The following MYBBP1A variants were observed in gnomAD, a reference collection of about 807,000 sequenced individuals.
The protein encoded by MYBBP1A is MYB binding protein 1a, also known as myb-binding protein 1A.
In MYBBP1A, 147 loss-of-function variants were observed where a neutral mutation model predicts 136.3. The observed-to-expected ratio is 1.08, with a 90% CI of 0.94 to 1.24. The LOEUF (loss-of-function observed/expected upper bound fraction) is 1.24, where lower values mean the gene tolerates loss of function less well. MYBBP1A is among the 50% of genes most tolerant of loss of function. The probability of loss-of-function intolerance (pLI) is 0.00; values close to 1 mark genes in which losing one functional copy is unlikely to be tolerated. For synonymous variants in MYBBP1A, 947 were observed against 735.8 expected, an observed-to-expected ratio of 1.29 and a Z score of -4.65; for missense variants, 2,060 against 1,727.4, an observed-to-expected ratio of 1.19 and a Z score of -3.41.
chr17:4,547,695 T>C (rs1384756379), intron 13 of MYBBP1A: 29 of 417,816 alleles, frequency 6.9e-5, no homozygotes, highest in East Asian at 6.2e-4. Context: ...AGTTTCTCCA[T>C]GTCAAACATG....
Position 4,550,304 on chromosome 17 carries a change from G to A in MYBBP1A, c.1073C>T (p.Thr358Ile), listed in dbSNP as rs759940108. 1.2e-6 allele frequency: 2 copies of A among 1,613,070 alleles called. No homozygotes were observed. The highest frequency in any genetic ancestry group is 1.7e-5 in the Admixed American group (1 of 60,000). ...FAPEMDDYVG[T>I]FLEGCQDDPE... Reference sequence around the variant, plus strand: ...GTCATCCTGGCACCCCTCTAGGAAGGTGCCCACGTAATCGTCCATCTCTGG... The same window carrying A: ...GTCATCCTGGCACCCCTCTAGGAAGATGCCCACGTAATCGTCCATCTCTGG... The change falls in exon 9 of 26, where the codon ACC becomes ATC. Residue 358 changes from threonine to isoleucine, a missense_variant. Physicochemically the swap from Thr to Ile is moderately conservative, Grantham distance 89 (BLOSUM62 -1). Transcript: ENST00000254718.
In MYBBP1A at chr17:4,548,865, T is replaced by C. The variant is rs553814164; in HGVS notation, c.1431-216A>G. 2.0e-3 allele frequency among the ~76,000 whole-genome samples: 301 copies of C among 152,344 alleles called. 2 individuals carry two copies. Among genetic ancestry groups the C allele is most frequent in the African/African-American group, 7.0e-3 (292 of 41,586 alleles). On this transcript the variant is annotated intron_variant, in intron 10 of 25. Transcript: ENST00000254718. The surrounding 1 kb of genome is among the most constrained non-coding windows in gnomAD (Gnocchi z 4.2). ...CGTTTCTCTGCTCTGGATCCCCAGC[T>C]GAACGCGGGTTAACCCGAGCTAGAG...
Position 4,546,084 on chromosome 17 carries a change from C to G in MYBBP1A, c.1825-142G>C, listed in dbSNP as rs562731693. The G allele has an allele frequency of 4.8e-5, 34 of 713,512 alleles. No homozygotes were observed. The Admixed American group carries it at 5.6e-4, about 12-fold the overall frequency. 44.2% of individuals were successfully genotyped at this position (713,512 alleles called of 1,614,324 possible). On this transcript the variant is annotated intron_variant, in intron 13 of 25. Transcript: ENST00000254718. ...CTGGCCCGCCCTGGCCAGTCACCCC[C>G]ACAATCCAGAACAGAAGACCCCAGC...
intron 22 of MYBBP1A, 27 bp from the exon 23 acceptor site, chr17:4,541,918 G>A (rs574168111): frequency 1.9e-6 from 3 of 1,594,010 alleles, no homozygotes; most frequent in African/African-American, 2.7e-5. Flanking sequence ...GTGGGTGGCA[G>A]GAGCCTTGGC....
Position 4,543,055 on chromosome 17 carries a change from G to T in MYBBP1A, c.2750C>A (p.Ser917Tyr). 2.5e-6 allele frequency: 4 copies of T among 1,613,462 alleles called. No homozygotes were observed. The highest frequency in any genetic ancestry group is 1.6e-4 in the Middle Eastern group (1 of 6,062). Reference sequence around the variant, plus strand: ...GTTGAAGTGGTAGAGGGCGGTGGGGGAGTCGGGCTGGCGGCCAGCCTGCTG... The same window carrying T: ...GTTGAAGTGGTAGAGGGCGGTGGGGTAGTCGGGCTGGCGGCCAGCCTGCTG... ...LVQQAGRQPD[S>Y]PTALYHFNAS... Residue 917 changes from serine to tyrosine, a missense_variant, in exon 20 of 26, where the codon TCC becomes TAC. Coordinates refer to ENST00000254718, the MANE Select transcript of MYBBP1A (RefSeq NM_014520.4).
intron 19 of MYBBP1A, 123 bp downstream of exon 19, chr17:4,544,366 C>A: frequency 7.5e-7 from 1 of 1,326,632 alleles, no homozygotes; most frequent in African/African-American, 1.5e-5. Flanking sequence ...AGCCTGCGAG[C>A]TAGGGGCCCA....
At chr17:4,542,884 G>A in intron 20 of MYBBP1A, 29 bp downstream of exon 20, 1 of 1,612,368 alleles carries the variant, frequency 6.2e-7, no homozygotes, top group South Asian at 1.1e-5. Context: ...GAAATGCCTG[G>A]GGCTGCTCCT....
intron 21 of MYBBP1A, 37 bp downstream of exon 21, chr17:4,542,579 G>C: frequency 1.2e-6 from 2 of 1,613,262 alleles, no homozygotes; most frequent in Non-Finnish European, 1.7e-6. Flanking sequence ...GGGCTGAGCA[G>C]GGACCATGAG....
In MYBBP1A at chr17:4,539,572, T is replaced by G; in HGVS notation, c.3830A>C (p.His1277Pro). The change falls in exon 26 of 26, where the codon CAT (histidine) becomes CCT (proline). Residue 1277 changes from histidine to proline, a missense_variant. Transcript: ENST00000254718. ...CCCCTTTTTGGGAAGAGCCTTCTGA[T>G]GCTGCTTTTGGCCTGCAGGTTCCGT... ...SPTEPAGQKQ[H>P]QKALPKKGVL... 1 of 1,614,172 alleles carries G rather than the reference T, an allele frequency of 6.2e-7. No homozygotes were observed. Among genetic ancestry groups the G allele is most frequent in the Non-Finnish European group, 8.5e-7 (1 of 1,180,036 alleles).
At chr17:4,542,375 C>A in intron 22 of MYBBP1A, 89 bp downstream of exon 22, 1 of 1,419,026 alleles carries the variant, frequency 7.0e-7, no homozygotes, top group Non-Finnish European at 9.6e-7. Context: ...ACCAGGACAG[C>A]GCTCTGGGGC....
chr17:4,545,789 T>C (rs760336761), intron 14 of MYBBP1A, 28 bp from the exon 15 acceptor site: 3 of 1,607,876 alleles, frequency 1.9e-6, no homozygotes, highest in South Asian at 2.2e-5. Flanking sequence ...TGAGCCCGGA[T>C]AGGGGACCGC....
intron 24 of MYBBP1A, among the ~76,000 whole-genome samples, chr17:4,540,945 C>CTCTGCCTGCCAGCA (rs2050187958): frequency 2.0e-5 from 3 of 152,262 alleles, no homozygotes; most frequent in African/African-American, 7.2e-5. Context: ...CGGGCCCCGC[C>CTCTGCCTGCCAGCA]TCTGCCTGCC....
Position 4,544,995 on chromosome 17 carries a change from G to A in MYBBP1A, c.2310+31C>T, listed in dbSNP as rs770892776. 1.3e-3 allele frequency: 365 copies of A among 279,104 alleles called. 1 individual carries two copies. The African/African-American group carries it at 0.015, about 11-fold the overall frequency. The allele number at this position is 279,104 out of a possible 1,614,324, so 17.3% of individuals were successfully genotyped here. A position where few individuals can be genotyped will look rare whatever the true frequency, so the allele number is the denominator to read the frequency against. On this transcript the variant is annotated intron_variant, in intron 17 of 25. Transcript: ENST00000254718. ...ACATGGGGACACCCGAGCCCTCCCC[G>A]GCCGCCCCCCCCTCCACCTCCCCCA...
rs1332202023 is a variant in MYBBP1A at position 4,549,412 on chromosome 17, T to C, written c.1350A>G (p.Lys450=). ...TGCTCACCAATCGAAAGATGATCCATTTCCTCAGCCGGAACACAGCTCGCT... is the reference window on the plus strand; with the variant it reads ...TGCTCACCAATCGAAAGATGATCCACTTCCTCAGCCGGAACACAGCTCGCT... The part of the protein sequence containing the change: ...MPERAVFRLR[K]WIIFRLVSIV... Residue 450 remains lysine (K), a synonymous_variant, in exon 10 of 26, where the codon AAA becomes AAG. Coordinates refer to ENST00000254718, the MANE Select transcript of MYBBP1A (RefSeq NM_014520.4). The C allele has an allele frequency of 1.2e-6, 2 of 1,613,230 alleles. No homozygotes were observed. Among genetic ancestry groups the C allele is most frequent in the Non-Finnish European group, 1.7e-6 (2 of 1,179,934 alleles).
In MYBBP1A at chr17:4,545,236, CGCCCGGCCCAT is replaced by C. The variant is rs772892058; in HGVS notation, c.2160+12_2160+22del. 1 of 1,612,894 alleles carries C rather than the reference CGCCCGGCCCAT, an allele frequency of 6.2e-7. No individual in the cohort carries two copies. Among genetic ancestry groups the C allele is most frequent in the African/African-American group, 1.3e-5 (1 of 74,932 alleles). On this transcript the variant is annotated intron_variant, in intron 16 of 25. Coordinates refer to ENST00000254718, the MANE Select transcript of MYBBP1A (RefSeq NM_014520.4). Reference sequence around the variant, plus strand: ...CGATCGTCCCACTCCCCACCGCCCCCGCCCGGCCCATGCTGGCAACACCTCTGCACCCTTCA... The same window carrying C: ...CGATCGTCCCACTCCCCACCGCCCCCGCTGGCAACACCTCTGCACCCTTCA...
In MYBBP1A at chr17:4,553,087, T is replaced by G. The variant is rs746447925; in HGVS notation, c.562-461A>C. 8.7e-4 allele frequency among the ~76,000 whole-genome samples: 133 copies of G among 152,240 alleles called. 1 individual carries two copies. The highest frequency in any genetic ancestry group is 1.4e-3 in the Non-Finnish European group (97 of 68,010). On this transcript the variant is annotated intron_variant, in intron 5 of 25. Coordinates refer to ENST00000254718, the MANE Select transcript of MYBBP1A (RefSeq NM_014520.4). ...TCTGCCCACCTCGGCCTCCCAAAGT[T>G]CTGGGATTACAGGCGTGAGCCACCA...
rs147248283 is a variant in MYBBP1A, at chr17:4,544,838, G to A, written c.2394C>T (p.Ala798=). ...ALDQSLASLF[A]EQKLRIQARR... ...GGGCCTGGATACGCAGCTTCTGCTC[G>A]GCAAAGAGGCTGGCGAGGCTCTGGT... The change falls in exon 18 of 26, where the codon GCC becomes GCT. Residue 798 remains alanine, a synonymous_variant. Transcript: ENST00000254718. 1.2e-3 allele frequency: 1,973 copies of A among 1,607,812 alleles called. 21 individuals carry two copies. In the Admixed American group the frequency reaches 0.02, roughly 16 times the overall value.
intron 22 of MYBBP1A, 72 bp downstream of exon 22, chr17:4,542,392 A>T: frequency 6.7e-7 from 1 of 1,497,438 alleles, no homozygotes; most frequent in Non-Finnish European, 9.1e-7. Flanking sequence ...GGGCCTCACA[A>T]TATCCAGTCA....
intron 19 of MYBBP1A, chr17:4,543,439 C>A (rs758458993): frequency 1.9e-6 from 1 of 522,242 alleles, no homozygotes; most frequent in Non-Finnish European, 3.4e-6. Flanking sequence ...GCCTGGGGCA[C>A]CCCTCCTGTC....
Sources: gnomAD v4.1 joint callset for allele counts (sites outside exome capture counted in the v4.1 genomes callset) on GRCh38, gnomAD v4.1.1 for gene constraint, Gnocchi (gnomAD v3.1) non-coding constraint, MANE v1.5 for transcripts, NCBI Gene and HGNC (gene_info 2026-07-23, HGNC 2026-07-21) for gene names.